The following BFAR variants were observed in gnomAD, a reference collection of about 807,000 sequenced individuals.
The protein encoded by BFAR is RING finger protein 47.
In BFAR, 52 loss-of-function variants were observed where a neutral mutation model predicts 54.4. The observed-to-expected ratio is 0.96, with a 90% CI of 0.77 to 1.21. The LOEUF (loss-of-function observed/expected upper bound fraction) is 1.21. Ranked by LOEUF, BFAR falls within the 50% of genes most tolerant of loss-of-function variation. The pLI, the probability that BFAR is intolerant of heterozygous loss-of-function variation, is 0.00. For synonymous variants in BFAR, 215 were observed against 204.3 expected (o/e 1.05, Z -0.45); for missense variants, 571 against 534.0 (o/e 1.07, Z -0.68).
chr16:14,667,554 C>T, intron 7 of BFAR, 81 bp from the exon 8 acceptor site: 1 of 1,357,676 alleles, frequency 7.4e-7, no homozygotes, highest in Admixed American at 2.1e-5. Context: ...TTCCCAGCAC[C>T]CAGAAAAGGC....
chr16:14,654,982 A>G, intron 4 of BFAR, 84 bp from the exon 5 acceptor site: 3 of 1,328,074 alleles, frequency 2.3e-6, no homozygotes, highest in South Asian at 1.9e-5. Flanking sequence ...TACAATATTT[A>G]TATTAGTAAG....
At position 14,668,691 on chromosome 16, in the gene BFAR, C is replaced by T. The variant is rs1020402722; in HGVS notation, c.*864C>T. 1.3e-5 allele frequency: 2 copies of T among 153,868 alleles called. No individual in the cohort carries two copies. Among genetic ancestry groups the T allele is most frequent in the African/African-American group, 4.8e-5 (2 of 41,416 alleles). 9.5% of individuals were successfully genotyped at this position (153,868 alleles called of 1,614,324 possible). ...TGAAACCTCATCTCTACTAAAAATA[C>T]AAAAATTAGCCAAGTGTGATGGCAC... On this transcript the variant is annotated 3_prime_UTR_variant, in exon 8 of 8. Coordinates refer to ENST00000261658, the MANE Select transcript of BFAR (RefSeq NM_016561.3).
At position 14,668,017 on chromosome 16, in the gene BFAR, T is replaced by A. The variant is rs1960492539; in HGVS notation, c.*190T>A. 5.0e-6 allele frequency: 3 copies of A among 605,946 alleles called. No individual in the cohort carries two copies. The East Asian group carries it at 8.3e-5, about 17-fold the overall frequency. 37.5% of individuals were successfully genotyped at this position (605,946 alleles called of 1,614,324 possible). A position where few individuals can be genotyped will look rare whatever the true frequency, so the allele number is the denominator to read the frequency against. On this transcript the variant is annotated 3_prime_UTR_variant, in exon 8 of 8. Coordinates refer to ENST00000261658, the MANE Select transcript of BFAR (RefSeq NM_016561.3). ...TGGGTGGCACGAGCAAGGACTGACATCCGCACAGGGAGGATTGTCTGTTTG... is the reference window on the plus strand; with the variant it reads ...TGGGTGGCACGAGCAAGGACTGACAACCGCACAGGGAGGATTGTCTGTTTG...
At position 14,645,648 on chromosome 16, in the gene BFAR, C is replaced by T. The variant is rs939256107; in HGVS notation, c.263+1039C>T. Among the ~76,000 whole-genome samples the T allele has an allele frequency of 3.3e-5, 5 of 152,252 alleles. No individual in the cohort carries two copies. The South Asian group carries it at 6.2e-4, about 19-fold the overall frequency. On this transcript the variant is annotated intron_variant, in intron 2 of 7. Coordinates refer to ENST00000261658, the MANE Select transcript of BFAR (RefSeq NM_016561.3). ...TTCTTTTTCACAAAAGATGTGTTTA[C>T]ACTTTGCTCTTACCTGTCAGTCTTG...
At chr16:14,662,544 G>A (rs901374619) in intron 6 of BFAR, among the ~76,000 whole-genome samples, 1 of 152,106 alleles carries the variant, frequency 6.6e-6, no homozygotes, top group African/African-American at 2.4e-5. Context: ...GTTTGAGATT[G>A]GGTCTCATTC....
intron 6 of BFAR, among the ~76,000 whole-genome samples, 165 bp from the exon 7 acceptor site, chr16:14,664,704 T>C (rs1596996069): frequency 6.6e-6 from 1 of 152,180 alleles, no homozygotes; most frequent in South Asian, 2.1e-4. Flanking sequence ...TTCACCATGT[T>C]GGCCAGCCTG....
intron 2 of BFAR, among the ~76,000 whole-genome samples, chr16:14,647,757 A>G (rs1303134601): frequency 2.0e-5 from 3 of 151,956 alleles, no homozygotes; most frequent in African/African-American, 4.8e-5. Flanking sequence ...ATGGTTCTGC[A>G]GTTTACTATT....
In BFAR at chr16:14,667,942, G is replaced by A. The variant is rs953162779; in HGVS notation, c.*115G>A. On this transcript the variant is annotated 3_prime_UTR_variant, in exon 8 of 8. Coordinates refer to ENST00000261658, the MANE Select transcript of BFAR (RefSeq NM_016561.3). ...TTTTCTACCCTCAGTAAAACAAGGT[G>A]CTGCTTTGTATATCAAAAGCTCCAA... 6.9e-6 allele frequency: 8 copies of A among 1,152,760 alleles called. No homozygotes were observed. The highest frequency in any genetic ancestry group is 9.9e-6 in the Non-Finnish European group (8 of 804,086). 71.4% of individuals were successfully genotyped at this position (1,152,760 alleles called of 1,614,324 possible). A position where few individuals can be genotyped will look rare whatever the true frequency, so the allele number is the denominator to read the frequency against.
intron 4 of BFAR, among the ~76,000 whole-genome samples, chr16:14,653,767 G>C (rs890453614): frequency 1.3e-5 from 2 of 152,112 alleles, no homozygotes; most frequent in Non-Finnish European, 2.9e-5. Context: ...GAGTGCAGTA[G>C]CAGTATCATA....
chr16:14,654,460 G>A (rs1172126204), intron 4 of BFAR, among the ~76,000 whole-genome samples: 1 of 150,952 alleles, frequency 6.6e-6, no homozygotes, highest in East Asian at 1.9e-4. Flanking sequence ...GAGTGCCTTG[G>A]GAAAGTCACC....
chr16:14,662,493 G>A (rs942821686), intron 6 of BFAR, among the ~76,000 whole-genome samples: 1 of 152,190 alleles, frequency 6.6e-6, no homozygotes, highest in East Asian at 1.9e-4. Context: ...CAGACTGGCT[G>A]TGCAGAGACC....
chr16:14,634,322 T>C (rs1179071594), intron 1 of BFAR, among the ~76,000 whole-genome samples: 4 of 152,214 alleles, frequency 2.6e-5, no homozygotes, highest in Non-Finnish European at 5.9e-5. Flanking sequence ...TCCTGACAGG[T>C]GTGCTCTGCA....
intron 2 of BFAR, among the ~76,000 whole-genome samples, chr16:14,646,975 C>T (rs1959815659): frequency 6.6e-6 from 1 of 152,026 alleles, no homozygotes; most frequent in Non-Finnish European, 1.5e-5. Flanking sequence ...TCAGGTCTCA[C>T]TATGTTGCCC....
intron 7 of BFAR, 106 bp from the exon 8 acceptor site, chr16:14,667,529 C>G (rs1003027903): frequency 5.7e-6 from 6 of 1,045,872 alleles, no homozygotes; most frequent in South Asian, 1.5e-5. Flanking sequence ...ACATTCAGCA[C>G]GGGCAGCCAT....
rs576130096 is a variant in BFAR, at chr16:14,646,250, C to G, written c.263+1641C>G. On this transcript the variant is annotated intron_variant, in intron 2 of 7. Coordinates refer to ENST00000261658, the MANE Select transcript of BFAR (RefSeq NM_016561.3). ...GTATTTTTAGTAGAGACGGGGTTTC[C>G]CCATGTTGATGAGGCTAGTCTCAAA... Among the ~76,000 whole-genome samples, 10 of 151,814 alleles carry G rather than the reference C, an allele frequency of 6.6e-5. No individual in the cohort carries two copies. In the South Asian group the frequency reaches 2.1e-3, roughly 32 times the overall value.
chr16:14,642,747 G>C (rs1959667187), intron 1 of BFAR, among the ~76,000 whole-genome samples: 1 of 152,160 alleles, frequency 6.6e-6, no homozygotes, highest in Non-Finnish European at 1.5e-5. Context: ...AATAATGATT[G>C]CCTAATGAGA....
Position 14,655,181 on chromosome 16 carries a change from A to G in BFAR, c.754A>G (p.Lys252Glu). The G allele has an allele frequency of 6.4e-7, 1 of 1,558,880 alleles. No individual in the cohort carries two copies. The highest frequency in any genetic ancestry group is 8.7e-7 in the Non-Finnish European group (1 of 1,154,672). The part of the protein sequence containing the change: ...ELERVKALGV[K>E]PPQNLWEYKA... ...AGAACGTGTCAAAGCATTAGGCGTG[A>G]AGCCCCCCCAGAATCTCTGGGAATA... The change falls in exon 5 of 8, where the codon AAG (lysine) becomes GAG (glutamate). Residue 252 changes from lysine (K) to glutamate (E), a missense_variant. Physicochemically the swap from Lys to Glu is moderately conservative, Grantham distance 56. Coordinates refer to ENST00000261658, the MANE Select transcript of BFAR (RefSeq NM_016561.3).
intron 4 of BFAR, 189 bp downstream of exon 4, chr16:14,650,162 A>T: frequency 4.1e-6 from 2 of 485,234 alleles, no homozygotes; most frequent in Non-Finnish European, 3.4e-6. Context: ...TCTCTACTAA[A>T]AATACAAAAA....
chr16:14,642,026 G>C (rs1415212479), intron 1 of BFAR, among the ~76,000 whole-genome samples: 1 of 152,090 alleles, frequency 6.6e-6, no homozygotes, highest in Non-Finnish European at 1.5e-5. Context: ...TGAGCAAGCT[G>C]AGCCTCACCG....
Sources: allele counts gnomAD v4.1 joint callset (sites outside exome capture counted in the v4.1 genomes callset), GRCh38; gene constraint gnomAD v4.1.1; transcripts MANE v1.5; gene names NCBI Gene and HGNC (gene_info 2026-07-23, HGNC 2026-07-21).